Variants in PDE3A observed in about 807,000 individuals in gnomAD.
PDE3A encodes the protein phosphodiesterase 3A, also known as cGMP-inhibited 3',5'-cyclic phosphodiesterase 3A.
PDE3A carries 43 observed loss-of-function variants against 98.3 expected under a neutral mutation model. The observed-to-expected ratio is 0.44, with a 90% confidence interval of 0.34 to 0.56. The LOEUF is 0.56. Among genes scored for constraint, PDE3A ranks in the 20% least tolerant of loss-of-function variants. PDE3A has a pLI of 0.01. For synonymous variants in PDE3A, 663 were observed against 567.9 expected, an observed-to-expected ratio of 1.17 and a Z score of -2.38; for missense variants, 1,427 against 1,440.7, an observed-to-expected ratio of 0.99 and a Z score of 0.15.
intron 1 of PDE3A, among the ~76,000 whole-genome samples, chr12:20,412,565 C>T (rs1408555073): frequency 6.6e-6 from 1 of 152,082 alleles, no homozygotes; most frequent in African/African-American, 2.4e-5. Context: ...CAGACAAAAC[C>T]CACCTAAGTC....
At chr12:20,484,902 G>A (rs1046301143) in intron 1 of PDE3A, among the ~76,000 whole-genome samples, 11 of 152,104 alleles carry the variant, frequency 7.2e-5, no homozygotes, top group African/African-American at 2.4e-4. Context: ...TGTGGTTTGT[G>A]TGTTGATGGG....
At chr12:20,443,275 T>C (rs1482601998) in intron 1 of PDE3A, among the ~76,000 whole-genome samples, 1 of 152,160 alleles carries the variant, frequency 6.6e-6, no homozygotes, top group Non-Finnish European at 1.5e-5. Context: ...CTCTGTCCTA[T>C]CTATGGATAT....
rs997603519 is a variant in PDE3A, at chr12:20,552,095, A to T, written c.961-4565A>T. 6.2e-6 allele frequency: 10 copies of T among 1,612,834 alleles called. No homozygotes were observed. In the African/African-American group the frequency reaches 1.2e-4, roughly 19 times the overall value. On this transcript the variant is annotated intron_variant, in intron 1 of 15. Transcript: ENST00000359062. This position sits in a 1 kb window ranked among gnomAD's most constrained non-coding sequence, Gnocchi z 5.1. Reference sequence around the variant, plus strand: ...AGTGGTGGTCGAGAGCTTTCCGGCAACAAGAGGACCGCGGAACAGTCTTGT... The same window carrying T: ...AGTGGTGGTCGAGAGCTTTCCGGCATCAAGAGGACCGCGGAACAGTCTTGT...
intron 1 of PDE3A, among the ~76,000 whole-genome samples, chr12:20,387,900 A>G (rs576063152): frequency 6.6e-4 from 100 of 152,174 alleles, no homozygotes; most frequent in Non-Finnish European, 9.4e-4. Flanking sequence ...GGATAGGCCA[A>G]ATTCACAGCA....
Position 20,671,430 on chromosome 12 carries a change from C to A in PDE3A, c.3185-8600C>A, listed in dbSNP as rs1658264346. 2.0e-5 allele frequency among the ~76,000 whole-genome samples: 3 copies of A among 152,184 alleles called. No individual in the cohort carries two copies. In the South Asian group the frequency reaches 6.2e-4, roughly 32 times the overall value. The stretch of plus-strand genomic sequence containing the variant: ...ATTTTAGACCAATATCCTTGATGAA[C>A]ATTGATGCAAAAATCCTCAATAAAA... On this transcript the variant is annotated intron_variant, in intron 15 of 15. Coordinates refer to ENST00000359062, the MANE Select transcript of PDE3A (RefSeq NM_000921.5).
At chr12:20,599,296 T>A (rs916489327) in intron 2 of PDE3A, among the ~76,000 whole-genome samples, 1 of 151,940 alleles carries the variant, frequency 6.6e-6, no homozygotes, top group African/African-American at 2.4e-5. Context: ...TTCTTTCCTG[T>A]CTGTCATACT....
chr12:20,682,217 C>G lies in PDE3A; in HGVS notation c.*1946C>G, dbSNP rs1654969234. 6.6e-6 allele frequency: 1 copy of G among 152,152 alleles called. No homozygotes were observed. The highest frequency in any genetic ancestry group is 2.4e-5 in the African/African-American group (1 of 41,448). The allele number at this position is 152,152 out of a possible 1,614,324, so 9.4% of individuals were successfully genotyped here. On this transcript the variant is annotated 3_prime_UTR_variant, in exon 16 of 16. Coordinates refer to ENST00000359062, the MANE Select transcript of PDE3A (RefSeq NM_000921.5). ...TTTTATAGTTGGTGTCCATTTCTTT[C>G]CAACACTGTTTGTTATGATTCTTCC...
At chr12:20,665,323 A>G (rs577030305) in intron 15 of PDE3A, among the ~76,000 whole-genome samples, 29 of 152,336 alleles carry the variant, frequency 1.9e-4, no homozygotes, top group African/African-American at 6.7e-4. Flanking sequence ...CTGACATTAA[A>G]TAGTCTTCTT....
intron 1 of PDE3A, among the ~76,000 whole-genome samples, chr12:20,421,099 CAAAT>C (rs1214603832): frequency 6.6e-6 from 1 of 151,974 alleles, no homozygotes; most frequent in Non-Finnish European, 1.5e-5. Flanking sequence ...ATAATATTGA[CAAAT>C]AGGATAGTTA....
At chr12:20,570,726 C>T (rs1942784706) in intron 2 of PDE3A, among the ~76,000 whole-genome samples, 1 of 152,064 alleles carries the variant, frequency 6.6e-6, no homozygotes, top group Non-Finnish European at 1.5e-5. Context: ...TCTTAATCTC[C>T]TAAATTATTG....
At chr12:20,606,993 A>C (rs1943725844) in intron 2 of PDE3A, among the ~76,000 whole-genome samples, 1 of 152,124 alleles carries the variant, frequency 6.6e-6, no homozygotes, top group African/African-American at 2.4e-5. Flanking sequence ...CCTTTGGTTT[A>C]TGATGAGTGA....
chr12:20,648,765 A>G lies in PDE3A; in HGVS notation c.2643A>G (p.Pro881=), dbSNP rs1944837479. Residue 881 remains proline, a synonymous_variant, in exon 13 of 16, where the codon CCA becomes CCG. Transcript: ENST00000359062. ...AAAWNLFMSR[P]EYNFLINLDH... ...CATGGAATCTTTTCATGTCCCGGCC[A>G]GAGTATAACTTCTTAATTAACCTTG... The G allele has an allele frequency of 1.2e-6, 2 of 1,613,006 alleles. No homozygotes were observed. The highest frequency in any genetic ancestry group is 1.1e-5 in the South Asian group (1 of 91,068).
chr12:20,653,879 G>A, intron 14 of PDE3A, 68 bp from the exon 15 acceptor site: 1 of 1,523,634 alleles, frequency 6.6e-7, no homozygotes, highest in Non-Finnish European at 9.0e-7. Context: ...ATTAATGCCT[G>A]GGGTTTTACA....
intron 4 of PDE3A, among the ~76,000 whole-genome samples, chr12:20,617,820 C>G (rs1592117205): frequency 6.6e-6 from 1 of 151,998 alleles, no homozygotes; most frequent in African/African-American, 2.4e-5. Flanking sequence ...ATCCTATCTC[C>G]CCTGCTTTTC....
chr12:20,573,893 CA>C (rs1419934535), intron 2 of PDE3A, among the ~76,000 whole-genome samples: 1 of 151,848 alleles, frequency 6.6e-6, no homozygotes, highest in Non-Finnish European at 1.5e-5. Flanking sequence ...TGTAAATGTG[CA>C]GGAAAACAAA....
chr12:20,565,369 A>G (rs374378694), intron 2 of PDE3A, among the ~76,000 whole-genome samples: 2 of 152,010 alleles, frequency 1.3e-5, no homozygotes, highest in East Asian at 3.8e-4. Flanking sequence ...ATTGAGTAAG[A>G]TCTTGTTTTT....
intron 2 of PDE3A, chr12:20,572,065 A>T (rs1942813574): frequency 3.3e-6 from 4 of 1,195,698 alleles, no homozygotes; most frequent in Non-Finnish European, 4.2e-6. Flanking sequence ...CATGTTTTTA[A>T]AAAAATGAGA....
At chr12:20,582,036 G>T (rs1943080689) in intron 2 of PDE3A, among the ~76,000 whole-genome samples, 1 of 151,266 alleles carries the variant, frequency 6.6e-6, no homozygotes, top group African/African-American at 2.4e-5. Context: ...TTTAGGTTGG[G>T]ATTTTTTTTT....
chr12:20,636,084 G>T (rs187710309), intron 8 of PDE3A, among the ~76,000 whole-genome samples: 100 of 152,288 alleles, frequency 6.6e-4, no homozygotes, highest in African/African-American at 2.4e-3. Context: ...TAGGGCATCT[G>T]CTGGTTTTCT....
Sources: gnomAD v4.1 joint callset for allele counts (sites outside exome capture counted in the v4.1 genomes callset) on GRCh38, gnomAD v4.1.1 for gene constraint, Gnocchi (gnomAD v3.1) non-coding constraint, MANE v1.5 for transcripts, NCBI Gene and HGNC (gene_info 2026-07-23, HGNC 2026-07-21) for gene names.